The following THRB variants were observed in gnomAD, a reference collection of about 807,000 sequenced individuals.
THRB encodes the protein thyroid hormone receptor beta.
A neutral mutation model predicts 47.8 loss-of-function variants in THRB; 12 were observed. The observed-to-expected ratio is 0.25, with a 90% CI of 0.16 to 0.41. The LOEUF (loss-of-function observed/expected upper bound fraction) is 0.41. THRB is among the 10% of genes least tolerant of loss of function. The pLI, the probability that THRB is intolerant of heterozygous loss-of-function variation, is 1.00. For missense variants in THRB, 348 were observed against 589.2 expected (o/e 0.59, Z 4.24); for synonymous variants, 218 against 212.2 (o/e 1.03, Z -0.24).
At chr3:24,446,894 A>G (rs2072142396) in intron 1 of THRB, among the ~76,000 whole-genome samples, 1 of 152,180 alleles carries the variant, frequency 6.6e-6, no homozygotes, top group African/African-American at 2.4e-5. Flanking sequence ...CTTATCCTGC[A>G]ATATTTGGGT....
At chr3:24,291,619 A>T (rs2055926850) in intron 3 of THRB, among the ~76,000 whole-genome samples, 1 of 152,254 alleles carries the variant, frequency 6.6e-6, no homozygotes, top group African/African-American at 2.4e-5. Flanking sequence ...TTTAGCAAAT[A>T]ACAATAAGAA....
chr3:24,297,179 A>T (rs1340758387), intron 3 of THRB, 47 bp downstream of exon 3: 1 of 152,194 alleles, frequency 6.6e-6, no homozygotes, highest in Non-Finnish European at 1.5e-5. Flanking sequence ...TTTCCATCAA[A>T]ACAACCATTT....
chr3:24,153,814 G>C (rs1407398136), intron 5 of THRB, among the ~76,000 whole-genome samples: 3 of 152,172 alleles, frequency 2.0e-5, no homozygotes, highest in Non-Finnish European at 2.9e-5. Context: ...AAGAGGCTGA[G>C]AAACAATCCT....
At chr3:24,323,078 T>C (rs978782748) in intron 2 of THRB, among the ~76,000 whole-genome samples, 5 of 152,218 alleles carry the variant, frequency 3.3e-5, no homozygotes, top group African/African-American at 9.6e-5. Context: ...AGAAGGCCTA[T>C]TGGTGTTTAG....
intron 1 of THRB, among the ~76,000 whole-genome samples, chr3:24,418,198 A>C (rs2068916622): frequency 6.6e-6 from 1 of 150,712 alleles, no homozygotes; most frequent in Non-Finnish European, 1.5e-5. Context: ...TTCCCCTTTC[A>C]TGGTTTGCAC....
chr3:24,431,088 T>TCTA (rs2070344957), intron 1 of THRB: 1 of 152,036 alleles, frequency 6.6e-6, no homozygotes, highest in Non-Finnish European at 1.5e-5. Context: ...AATTCTACAG[T>TCTA]CAGTGTGGGT....
At chr3:24,229,667 C>T (rs1438609270) in intron 3 of THRB, among the ~76,000 whole-genome samples, 2 of 152,134 alleles carry the variant, frequency 1.3e-5, no homozygotes, top group African/African-American at 4.8e-5. Flanking sequence ...GGTGCACTGA[C>T]CCAGGGAAGA....
intron 1 of THRB, among the ~76,000 whole-genome samples, chr3:24,466,204 T>C (rs771718094): frequency 6.6e-6 from 1 of 152,202 alleles, no homozygotes; most frequent in Non-Finnish European, 1.5e-5. Context: ...ATTTCTCTTA[T>C]TAAGATGTAC....
At position 24,338,529 on chromosome 3, in the gene THRB, A is replaced by T. The variant is rs896735519; in HGVS notation, c.-260-1158T>A. Among the ~76,000 whole-genome samples the T allele has an allele frequency of 2.6e-5, 4 of 152,230 alleles. No individual in the cohort carries two copies. The South Asian group carries it at 8.3e-4, about 31-fold the overall frequency. On this transcript the variant is annotated intron_variant, in intron 1 of 10. Transcript: ENST00000646209. ...TTCCCTTTAACTGCCACATTGAGTA[A>T]ATACATACTCAGTTGTTGGCTTTTC... is the stretch of plus-strand genomic sequence containing the variant.
intron 1 of THRB, among the ~76,000 whole-genome samples, chr3:24,486,877 T>C (rs554445807): frequency 6.6e-6 from 1 of 152,280 alleles, no homozygotes; most frequent in South Asian, 2.1e-4. Context: ...AATTCAGATA[T>C]AGGTACTTTA....
intron 5 of THRB, among the ~76,000 whole-genome samples, chr3:24,186,628 A>T (rs1219537749): frequency 6.6e-6 from 1 of 152,156 alleles, no homozygotes; most frequent in African/African-American, 2.4e-5. Context: ...AGCAGACAGA[A>T]GCATAGGTAT....
At chr3:24,479,616 A>T (rs145943933) in intron 1 of THRB, among the ~76,000 whole-genome samples, 12 of 152,302 alleles carry the variant, frequency 7.9e-5, no homozygotes, top group African/African-American at 2.9e-4. Context: ...GGTTCAAGGG[A>T]TCCCTCTTTA....
At chr3:24,439,999 T>C (rs1431721462) in intron 1 of THRB, among the ~76,000 whole-genome samples, 3 of 152,228 alleles carry the variant, frequency 2.0e-5, no homozygotes, top group Non-Finnish European at 4.4e-5. Context: ...GCAGTTCAAT[T>C]AATGCAGTCT....
chr3:24,277,517 G>A (rs1277621919), intron 3 of THRB, among the ~76,000 whole-genome samples: 2 of 152,126 alleles, frequency 1.3e-5, no homozygotes, highest in African/African-American at 2.4e-5. Flanking sequence ...CAAGTTCCCC[G>A]GTGATGCTGA....
intron 1 of THRB, among the ~76,000 whole-genome samples, chr3:24,339,745 A>G (rs2149446163): frequency 6.6e-6 from 1 of 152,260 alleles, no homozygotes; most frequent in Non-Finnish European, 1.5e-5. Context: ...TCCAACTTAA[A>G]CATACCCATT....
intron 3 of THRB, among the ~76,000 whole-genome samples, chr3:24,270,041 TG>T (rs2053162652): frequency 6.6e-6 from 1 of 152,196 alleles, no homozygotes. Context: ...TTACTCAGAT[TG>T]GGAAATAAAC....
Position 24,316,385 on chromosome 3 carries a change from C to G in THRB, c.-188-19014G>C, listed in dbSNP as rs368398382. 1.7e-4 allele frequency among the ~76,000 whole-genome samples: 26 copies of G among 150,998 alleles called. No homozygotes were observed. In the East Asian group the frequency reaches 2.5e-3, roughly 15 times the overall value. Reference sequence around the variant, plus strand: ...TTCCATCCTTTCCTTCCTTTTTTCTCTTTTCCCTTCTCCCTCGGTTCCTTC... The same window carrying G: ...TTCCATCCTTTCCTTCCTTTTTTCTGTTTTCCCTTCTCCCTCGGTTCCTTC... On this transcript the variant is annotated intron_variant, in intron 2 of 10. Transcript: ENST00000646209.
intron 9 of THRB, 68 bp from the exon 10 acceptor site, chr3:24,127,825 A>G (rs922532701): frequency 1.8e-5 from 28 of 1,533,364 alleles, no homozygotes; most frequent in Non-Finnish European, 2.5e-5. Context: ...AACATACAGT[A>G]TCTTAAAAGC....
intron 4 of THRB, among the ~76,000 whole-genome samples, chr3:24,199,632 G>T (rs1423848925): frequency 6.6e-6 from 1 of 152,194 alleles, no homozygotes; most frequent in Non-Finnish European, 1.5e-5. Context: ...CATCATGACT[G>T]CAGAAACCTG....
Sources: allele counts gnomAD v4.1 joint callset (sites outside exome capture counted in the v4.1 genomes callset), GRCh38; gene constraint gnomAD v4.1.1; transcripts MANE v1.5; gene names NCBI Gene and HGNC (gene_info 2026-07-23, HGNC 2026-07-21).